The following SNX29 variants were observed in gnomAD, a reference collection of about 807,000 sequenced individuals.
SNX29 encodes the protein sorting nexin 29, also known as sorting nexin-29.
A neutral mutation model predicts 102.1 loss-of-function variants in SNX29; 78 were observed. The observed-to-expected ratio is 0.76, with a 90% CI of 0.64 to 0.92. SNX29 has a LOEUF of 0.92. Ranked by LOEUF, SNX29 falls within the 40% of genes least tolerant of loss-of-function variation. The probability of loss-of-function intolerance (pLI) is 0.00; values close to 1 mark genes in which losing one functional copy is unlikely to be tolerated. For missense variants in SNX29, 1,280 were observed against 1,061.7 expected (o/e 1.21, Z -2.86); for synonymous variants, 580 against 414.5 (o/e 1.40, Z -4.85).
intron 3 of SNX29, among the ~76,000 whole-genome samples, chr16:12,023,780 C>T (rs74008652): frequency 0.012 from 1,874 of 152,122 alleles, 42 homozygotes; most frequent in African/African-American, 0.044. Flanking sequence ...ATGTGTCCAC[C>T]AGAAGCTAAA....
At chr16:12,478,488 C>T (rs2151822907) in intron 19 of SNX29, among the ~76,000 whole-genome samples, 1 of 152,290 alleles carries the variant, frequency 6.6e-6, no homozygotes, top group East Asian at 1.9e-4. Context: ...ATCCCGGTTC[C>T]CTTGAGGAAG....
chr16:12,101,301 C>CTTTTTTTTTTTT lies in SNX29; in HGVS notation c.1402+22390_1402+22401dup, dbSNP rs1212782573. Among the ~76,000 whole-genome samples, 6 of 118,568 alleles carry CTTTTTTTTTTTT rather than the reference C, an allele frequency of 5.1e-5. 1 individual carries two copies. Among genetic ancestry groups the CTTTTTTTTTTTT allele is most frequent in the Admixed American group, 1.8e-4 (2 of 11,174 alleles). 77.8% of individuals were successfully genotyped at this position (118,568 alleles called of 152,430 possible). On this transcript the variant is annotated intron_variant, in intron 11 of 20. Transcript: ENST00000566228. The stretch of plus-strand genomic sequence containing the variant: ...AATGTACCTTTGTGGCCCCCCCCAA[C>CTTTTTTTTTTTT]TTTTTTTTTTTTTTTGCCTTGCAGA...
chr16:12,127,083 AC>A, intron 12 of SNX29, among the ~76,000 whole-genome samples: 1 of 152,158 alleles, frequency 6.6e-6, no homozygotes, highest in East Asian at 1.9e-4. Context: ...CCTTGGTGAA[AC>A]CCCGTCTCTA....
intron 20 of SNX29, among the ~76,000 whole-genome samples, chr16:12,565,073 TG>T (rs2078939286): frequency 6.6e-6 from 1 of 152,120 alleles, no homozygotes; most frequent in Non-Finnish European, 1.5e-5. Flanking sequence ...AGGGGCCCAG[TG>T]GGGACACATG....
intron 13 of SNX29, among the ~76,000 whole-genome samples, chr16:12,166,701 C>T (rs1436943729): frequency 3.3e-5 from 5 of 152,148 alleles, no homozygotes; most frequent in African/African-American, 1.2e-4. Context: ...CCTTTAGAGG[C>T]CCCGTATTTA....
In SNX29 at chr16:12,571,547, A is replaced by G. The variant is rs996721196; in HGVS notation, c.*2918A>G. ...CCTGGGACCACCCTTTGCTGGGAGG[A>G]AGAATCCACACCGAATCCTTCTGTC... On this transcript the variant is annotated 3_prime_UTR_variant, in exon 21 of 21. Coordinates refer to ENST00000566228, the MANE Select transcript of SNX29 (RefSeq NM_032167.5). 1.4e-5 allele frequency: 13 copies of G among 961,568 alleles called. No homozygotes were observed. The highest frequency in any genetic ancestry group is 1.0e-4 in the South Asian group (2 of 19,802). 59.6% of individuals were successfully genotyped at this position (961,568 alleles called of 1,614,324 possible).
intron 13 of SNX29, among the ~76,000 whole-genome samples, chr16:12,198,941 G>C (rs8062913): frequency 2.0e-5 from 3 of 151,958 alleles, no homozygotes; most frequent in Non-Finnish European, 4.4e-5. Context: ...CTCATGTTCT[G>C]TTGTCACCCA....
At chr16:12,415,129 C>T (rs7192229) in intron 18 of SNX29, among the ~76,000 whole-genome samples, 84,653 of 152,018 alleles carry the variant, frequency 0.56, 24,193 homozygotes, top group Non-Finnish European at 0.63. Context: ...GCTCCAAGTC[C>T]GGGCAAAAAT....
intron 15 of SNX29, among the ~76,000 whole-genome samples, chr16:12,313,542 G>C (rs762477059): frequency 3.9e-5 from 6 of 152,152 alleles, no homozygotes; most frequent in Non-Finnish European, 7.3e-5. Flanking sequence ...GTATGAACTG[G>C]GGCAGCCTCC....
intron 10 of SNX29, among the ~76,000 whole-genome samples, chr16:12,069,903 C>T (rs975921603): frequency 6.6e-6 from 1 of 152,028 alleles, no homozygotes; most frequent in Non-Finnish European, 1.5e-5. Flanking sequence ...TGGTCTCGAT[C>T]TCCTGACCTC....
chr16:12,292,017 CAAA>C (rs2079814121), intron 15 of SNX29, among the ~76,000 whole-genome samples: 1 of 152,178 alleles, frequency 6.6e-6, no homozygotes, highest in Non-Finnish European at 1.5e-5. Context: ...ATCAGTGAAT[CAAA>C]AGAAGAGGGA....
At chr16:11,996,507 T>C (rs548384385) in intron 1 of SNX29, among the ~76,000 whole-genome samples, 1 of 152,346 alleles carries the variant, frequency 6.6e-6, no homozygotes, top group East Asian at 1.9e-4. Context: ...ATTTTTATTT[T>C]CTTTGTACAT....
At position 12,061,560 on chromosome 16, in the gene SNX29, T is replaced by G. The variant is rs778059416; in HGVS notation, c.1157T>G (p.Met386Arg). ...PLEGNTCLSQ[M>R]HSWAPLKVLH... is the part of the protein sequence containing the mutation. The stretch of plus-strand genomic sequence containing the variant: ...GAAGGGAACACCTGCCTCTCCCAGA[T>G]GCACAGCTGGGCTCCGCTGAAGGTG... The change falls in exon 9 of 21, where the codon ATG becomes AGG. Residue 386 changes from methionine to arginine, a missense_variant. Physicochemically the swap from Met to Arg is moderately conservative, Grantham distance 91. Coordinates refer to ENST00000566228, the MANE Select transcript of SNX29 (RefSeq NM_032167.5). 7 of 1,609,856 alleles carry G rather than the reference T, an allele frequency of 4.3e-6. No homozygotes were observed. The African/African-American group carries it at 9.4e-5, about 22-fold the overall frequency.
At chr16:12,564,122 ATCG>A (rs2141516397) in intron 20 of SNX29, among the ~76,000 whole-genome samples, 1 of 152,244 alleles carries the variant, frequency 6.6e-6, no homozygotes, top group Admixed American at 6.5e-5. Context: ...GGTGTGGTGG[ATCG>A]TGCCTATAAT....
chr16:12,511,338 C>G (rs1310178063), intron 19 of SNX29, among the ~76,000 whole-genome samples: 1 of 152,188 alleles, frequency 6.6e-6, no homozygotes, highest in Non-Finnish European at 1.5e-5. Context: ...AGAGAAGCCA[C>G]TGAATCTCTT....
intron 1 of SNX29, among the ~76,000 whole-genome samples, chr16:11,978,059 G>A (rs1264821523): frequency 6.6e-6 from 1 of 152,156 alleles, no homozygotes; most frequent in Non-Finnish European, 1.5e-5. Flanking sequence ...AGTTATCTCT[G>A]TGGACCTTTT....
intron 18 of SNX29, among the ~76,000 whole-genome samples, chr16:12,459,214 C>G (rs1597452459): frequency 6.7e-6 from 1 of 148,216 alleles, no homozygotes; most frequent in South Asian, 2.2e-4. Flanking sequence ...CGTCTCTGTA[C>G]TGTGTTCTCT....
intron 18 of SNX29, among the ~76,000 whole-genome samples, chr16:12,425,654 G>A (rs1416753054): frequency 2.0e-5 from 3 of 151,868 alleles, no homozygotes; most frequent in African/African-American, 4.8e-5. Context: ...GACGTATCTG[G>A]TTTAAATCCC....
In SNX29 at chr16:12,571,372, G is replaced by A. The variant is rs148168698; in HGVS notation, c.*2743G>A. On this transcript the variant is annotated 3_prime_UTR_variant, in exon 21 of 21. Coordinates refer to ENST00000566228, the MANE Select transcript of SNX29 (RefSeq NM_032167.5). ...AGCCACGACCTTATCCATGAGTGGC[G>A]AAGACACCCCTGAGGAAAGGATTGC... 9.9e-5 allele frequency: 23 copies of A among 231,526 alleles called. No homozygotes were observed. Among genetic ancestry groups the A allele is most frequent in the South Asian group, 3.6e-4 (2 of 5,504 alleles). 14.3% of individuals were successfully genotyped at this position (231,526 alleles called of 1,614,324 possible).
Sources: allele counts gnomAD v4.1 joint callset (sites outside exome capture counted in the v4.1 genomes callset), GRCh38; gene constraint gnomAD v4.1.1; transcripts MANE v1.5; gene names NCBI Gene and HGNC (gene_info 2026-07-23, HGNC 2026-07-21).